Variants in RNF32 observed in about 807,000 individuals in gnomAD.
RNF32 encodes the protein ring finger protein 32.
In RNF32, 36 loss-of-function variants were observed where a neutral mutation model predicts 41.0. The ratio of observed to expected loss-of-function variants is 0.88; its 90% confidence interval spans 0.67 to 1.16. The LOEUF (loss-of-function observed/expected upper bound fraction) is 1.16. Ranked by LOEUF, RNF32 falls within the 50% of genes most tolerant of loss-of-function variation. The probability of loss-of-function intolerance (pLI) is 0.00; values close to 1 mark genes in which losing one functional copy is unlikely to be tolerated. For synonymous variants in RNF32, 154 were observed against 160.9 expected (o/e 0.96, Z 0.32); for missense variants, 413 against 436.7 (o/e 0.95, Z 0.48).
chr7:156,658,459 T>A lies in RNF32; in HGVS notation c.576-3T>A. ...TAGTCATTTTCAAATATCTGTGTTTTAGAATCCAAGCCTACTGGAGAGGAT... is the reference window on the plus strand; with the variant it reads ...TAGTCATTTTCAAATATCTGTGTTTAAGAATCCAAGCCTACTGGAGAGGAT... On this transcript the variant is annotated splice_region_variant and splice_polypyrimidine_tract_variant and intron_variant, in intron 6 of 8. Transcript: ENST00000317955. The A allele has an allele frequency of 6.2e-7, 1 of 1,608,600 alleles. No homozygotes were observed. Among genetic ancestry groups the A allele is most frequent in the East Asian group, 2.2e-5 (1 of 44,856 alleles).
At chr7:156,671,172 A>G (rs961155166) in intron 7 of RNF32, among the ~76,000 whole-genome samples, 1 of 152,248 alleles carries the variant, frequency 6.6e-6, no homozygotes, top group African/African-American at 2.4e-5. Context: ...AATTGAAAAG[A>G]GCAAAAATTA....
At position 156,670,355 on chromosome 7, in the gene RNF32, G is replaced by A. The variant is rs538025666; in HGVS notation, c.685-5341G>A. The stretch of plus-strand genomic sequence containing the variant: ...GTCAGGTCTGCAAGGGGGGCCCTGC[G>A]TTTTGCATCCCCTGGAAAGCGGGTC... On this transcript the variant is annotated intron_variant, in intron 7 of 8. Transcript: ENST00000317955. This position sits in a 1 kb window ranked among gnomAD's most constrained non-coding sequence, Gnocchi z 4.3. Among the ~76,000 whole-genome samples the A allele has an allele frequency of 5.9e-5, 9 of 152,294 alleles. No homozygotes were observed. The highest frequency in any genetic ancestry group is 3.9e-4 in the East Asian group (2 of 5,188).
chr7:156,673,144 C>T (rs940258213), intron 7 of RNF32, among the ~76,000 whole-genome samples: 3 of 152,158 alleles, frequency 2.0e-5, no homozygotes, highest in Admixed American at 1.3e-4. Flanking sequence ...CTTTTATGTC[C>T]AAAACTAATC....
At chr7:156,647,357 C>A (rs897745664) in intron 3 of RNF32, among the ~76,000 whole-genome samples, 2 of 152,120 alleles carry the variant, frequency 1.3e-5, no homozygotes, top group African/African-American at 4.8e-5. Context: ...TCCCACCCTC[C>A]GCCTCCTGAG....
At chr7:156,668,296 C>T (rs1801679681) in intron 7 of RNF32, among the ~76,000 whole-genome samples, 1 of 152,158 alleles carries the variant, frequency 6.6e-6, no homozygotes, top group Admixed American at 6.5e-5. Flanking sequence ...TCCCACCAGT[C>T]ATTCATGTGC....
In RNF32 at chr7:156,644,493, T is replaced by C; in HGVS notation, c.16-6T>C. 3 of 1,605,720 alleles carry C rather than the reference T, an allele frequency of 1.9e-6. No homozygotes were observed. Among genetic ancestry groups the C allele is most frequent in the Non-Finnish European group, 2.6e-6 (3 of 1,175,584 alleles). ...CTCTAAATATGACTTTTTTCCTACTTTTTAGGGTCACTCATCTAAGAAAGA... is the reference window on the plus strand; with the variant it reads ...CTCTAAATATGACTTTTTTCCTACTCTTTAGGGTCACTCATCTAAGAAAGA... On this transcript the variant is annotated splice_polypyrimidine_tract_variant and splice_region_variant and intron_variant, in intron 2 of 8. Transcript: ENST00000317955.
intron 3 of RNF32, among the ~76,000 whole-genome samples, chr7:156,649,449 A>G (rs1384200498): frequency 6.6e-6 from 1 of 152,026 alleles, no homozygotes; most frequent in Non-Finnish European, 1.5e-5. Flanking sequence ...GCTGTGGTGA[A>G]TACGAGTAGT....
intron 8 of RNF32, 32 bp from the exon 9 acceptor site, chr7:156,676,387 C>G: frequency 6.2e-7 from 1 of 1,614,036 alleles, no homozygotes; most frequent in Non-Finnish European, 8.5e-7. Context: ...GAAACTAACC[C>G]GCGTGGCCTC....
chr7:156,657,746 A>G (rs561787443), intron 5 of RNF32, 173 bp downstream of exon 5: 69 of 674,500 alleles, frequency 1.0e-4, no homozygotes, highest in Middle Eastern at 2.7e-4. Context: ...CTATTTTGAA[A>G]ATCATGAGTT....
At chr7:156,664,304 A>G (rs1801046011) in intron 7 of RNF32, among the ~76,000 whole-genome samples, 1 of 152,156 alleles carries the variant, frequency 6.6e-6, no homozygotes, top group African/African-American at 2.4e-5. Context: ...TCTACTAAAA[A>G]TACAATATTA....
intron 7 of RNF32, among the ~76,000 whole-genome samples, chr7:156,674,975 C>T (rs947113715): frequency 2.6e-5 from 4 of 152,126 alleles, no homozygotes; most frequent in African/African-American, 9.7e-5. Context: ...AAACAATATA[C>T]CCTTTTCCCC....
In RNF32 at chr7:156,644,581, A is replaced by G. The variant is rs1033025684; in HGVS notation, c.98A>G (p.Asn33Ser). Residue 33 changes from asparagine to serine, a missense_variant, in exon 3 of 9, where the codon AAT becomes AGT. Physicochemically the swap from Asn to Ser is conservative, Grantham distance 46. Transcript: ENST00000317955. The stretch of plus-strand genomic sequence containing the variant: ...ATTTTACATGATCTTCAACTTCGAA[A>G]TCTTTCAGTTGCAGATCATTCTAAG... ...DHILHDLQLR[N>S]LSVADHSKTQ... 8 of 1,613,226 alleles carry G rather than the reference A, an allele frequency of 5.0e-6. No individual in the cohort carries two copies. The highest frequency in any genetic ancestry group is 6.8e-6 in the Non-Finnish European group (8 of 1,179,480).
At chr7:156,664,561 G>A (rs1332755496) in intron 7 of RNF32, among the ~76,000 whole-genome samples, 2 of 152,182 alleles carry the variant, frequency 1.3e-5, no homozygotes, top group East Asian at 3.8e-4. Flanking sequence ...TACATGTTTG[G>A]TACAAGTGGA....
At chr7:156,668,495 G>A (rs574436503) in intron 7 of RNF32, among the ~76,000 whole-genome samples, 27 of 152,272 alleles carry the variant, frequency 1.8e-4, no homozygotes, top group South Asian at 1.2e-3. Flanking sequence ...GGGCTCCAGT[G>A]ACTTGCACCT....
chr7:156,650,026 CTT>C (rs397772488), intron 3 of RNF32, among the ~76,000 whole-genome samples: 2 of 36,310 alleles, frequency 5.5e-5, no homozygotes, highest in Non-Finnish European at 8.2e-5. Flanking sequence ...GGGCCTGAGG[CTT>C]TTTTTCCTTT....
At chr7:156,658,349 G>C (rs1051590683) in intron 6 of RNF32, 97 bp downstream of exon 6, 1 of 1,567,050 alleles carries the variant, frequency 6.4e-7, no homozygotes, top group Non-Finnish European at 8.7e-7. Flanking sequence ...TCTCTTCTTG[G>C]CCACCATAAT....
At chr7:156,661,330 T>TC (rs1404265345) in intron 7 of RNF32, among the ~76,000 whole-genome samples, 4 of 151,688 alleles carry the variant, frequency 2.6e-5, no homozygotes, top group African/African-American at 9.7e-5. Flanking sequence ...GGATTTTTTT[T>TC]TTTTTTTGAG....
intron 7 of RNF32, among the ~76,000 whole-genome samples, chr7:156,673,002 A>G (rs1024605): frequency 0.65 from 99,040 of 152,216 alleles, 34,530 homozygotes; most frequent in African/African-American, 0.9. Flanking sequence ...GGCCCGGGGC[A>G]AAGCCTGAAA....
chr7:156,643,920 C>A, intron 2 of RNF32, 28 bp downstream of exon 2: 1 of 1,572,300 alleles, frequency 6.4e-7, no homozygotes, highest in African/African-American at 1.3e-5. Flanking sequence ...TAAACATACA[C>A]GTTATTTGAC....
Sources: allele counts gnomAD v4.1 joint callset (sites outside exome capture counted in the v4.1 genomes callset), GRCh38; gene constraint gnomAD v4.1.1; non-coding constraint Gnocchi (gnomAD v3.1); transcripts MANE v1.5; gene names NCBI Gene and HGNC (gene_info 2026-07-23, HGNC 2026-07-21).